Variants in NALF1 observed in about 807,000 individuals in gnomAD.
NALF1 encodes the protein NALCN channel auxiliary factor 1, also known as family with sequence similarity 155 member A.
Under a neutral mutation model 48.4 loss-of-function variants are expected in NALF1, and 3 were observed. That is an observed-to-expected ratio of 0.06 (90% CI 0.03 to 0.16). The LOEUF (loss-of-function observed/expected upper bound fraction) is 0.16. NALF1 is among the 10% of genes least tolerant of loss of function. The pLI, the probability that NALF1 is intolerant of heterozygous loss-of-function variation, is 1.00. For missense variants in NALF1, 526 were observed against 571.5 expected (o/e 0.92, Z 0.81); for synonymous variants, 262 against 245.7 (o/e 1.07, Z -0.62).
chr13:107,325,887 T>TATAC (rs752320518), intron 1 of NALF1, among the ~76,000 whole-genome samples: 75 of 58,850 alleles, frequency 1.3e-3, no homozygotes, highest in African/African-American at 1.8e-3. Flanking sequence ...TATATATATA[T>TATAC]ACACACACAC....
At chr13:107,720,542 C>A (rs1199218422) in intron 1 of NALF1, among the ~76,000 whole-genome samples, 1 of 136,230 alleles carries the variant, frequency 7.3e-6, no homozygotes, top group African/African-American at 2.7e-5. Context: ...AAGCATATTT[C>A]CCAGAATAAT....
intron 1 of NALF1, among the ~76,000 whole-genome samples, chr13:107,809,704 T>G (rs1003972103): frequency 5.3e-5 from 8 of 152,102 alleles, no homozygotes; most frequent in Admixed American, 2.0e-4. Flanking sequence ...TATGAGATCT[T>G]AATATCACGC....
At chr13:107,488,352 T>C (rs1463545984) in intron 1 of NALF1, among the ~76,000 whole-genome samples, 2 of 152,116 alleles carry the variant, frequency 1.3e-5, no homozygotes, top group African/African-American at 4.8e-5. Context: ...CTAGTTCTTT[T>C]AGTTGTGATG....
intron 1 of NALF1, among the ~76,000 whole-genome samples, chr13:107,730,400 G>A (rs1307225991): frequency 1.3e-5 from 2 of 152,026 alleles, no homozygotes; most frequent in Non-Finnish European, 2.9e-5. Context: ...CCATTTTTCT[G>A]GTGACTGACA....
chr13:107,364,121 C>T (rs1282018368), intron 1 of NALF1, among the ~76,000 whole-genome samples: 4 of 152,180 alleles, frequency 2.6e-5, no homozygotes, highest in African/African-American at 9.7e-5. Context: ...AAAAGCTGCT[C>T]AGTACTGTTT....
At chr13:107,234,185 A>G (rs1880288941) in intron 1 of NALF1, among the ~76,000 whole-genome samples, 1 of 152,180 alleles carries the variant, frequency 6.6e-6, no homozygotes, top group African/African-American at 2.4e-5. Context: ...TGATGAATTG[A>G]CATGCTCTTT....
At chr13:107,297,075 G>C (rs897041507) in intron 1 of NALF1, among the ~76,000 whole-genome samples, 4 of 151,774 alleles carry the variant, frequency 2.6e-5, no homozygotes, top group Non-Finnish European at 5.9e-5. Flanking sequence ...TGGTAGAAAA[G>C]GCAGATGATT....
At chr13:107,332,128 T>C (rs534498462) in intron 1 of NALF1, among the ~76,000 whole-genome samples, 3 of 152,344 alleles carry the variant, frequency 2.0e-5, no homozygotes, top group Admixed American at 2.0e-4. Context: ...ATTTTGTTTA[T>C]AAAACAATTA....
chr13:107,546,749 A>G (rs1015582369), intron 1 of NALF1, among the ~76,000 whole-genome samples: 3 of 152,322 alleles, frequency 2.0e-5, no homozygotes, highest in African/African-American at 7.2e-5. Flanking sequence ...CTTTTAGGAA[A>G]TAATACAAAT....
intron 1 of NALF1, among the ~76,000 whole-genome samples, chr13:107,709,465 C>T (rs1055483983): frequency 3.9e-5 from 6 of 152,188 alleles, no homozygotes; most frequent in Non-Finnish European, 8.8e-5. Context: ...TATCTAAAAG[C>T]TTTCAACTCA....
chr13:107,266,656 A>G (rs1269269135), intron 1 of NALF1, among the ~76,000 whole-genome samples: 1 of 152,234 alleles, frequency 6.6e-6, no homozygotes, highest in Non-Finnish European at 1.5e-5. Context: ...ACAGAAGTAC[A>G]GTGTTATGGG....
chr13:107,566,577 C>G (rs1031878201), intron 1 of NALF1, among the ~76,000 whole-genome samples: 4 of 152,204 alleles, frequency 2.6e-5, no homozygotes, highest in African/African-American at 9.6e-5. Flanking sequence ...CAGAGCCTCA[C>G]CAACCTCACG....
intron 2 of NALF1, among the ~76,000 whole-genome samples, chr13:107,195,476 C>T (rs953024153): frequency 2.0e-5 from 3 of 152,180 alleles, no homozygotes; most frequent in Non-Finnish European, 4.4e-5. Flanking sequence ...AATTTCATTT[C>T]TCTGTATCGC....
intron 1 of NALF1, among the ~76,000 whole-genome samples, chr13:107,481,238 T>G (rs1006261029): frequency 1.3e-5 from 2 of 152,180 alleles, no homozygotes; most frequent in African/African-American, 4.8e-5. Flanking sequence ...GAGATCAAGA[T>G]GATGCTGCTG....
intron 1 of NALF1, among the ~76,000 whole-genome samples, chr13:107,557,925 G>C (rs1877527894): frequency 6.6e-6 from 1 of 152,124 alleles, no homozygotes; most frequent in Admixed American, 6.5e-5. Flanking sequence ...TCAGTACCGT[G>C]TCTGTGCACT....
intron 1 of NALF1, among the ~76,000 whole-genome samples, chr13:107,298,961 T>C (rs1345824162): frequency 6.6e-6 from 1 of 152,194 alleles, no homozygotes; most frequent in Non-Finnish European, 1.5e-5. Context: ...ATGTTCTTTT[T>C]CTGCTCTGGG....
intron 1 of NALF1, among the ~76,000 whole-genome samples, chr13:107,700,691 T>C (rs550537196): frequency 6.6e-6 from 1 of 151,732 alleles, no homozygotes; most frequent in South Asian, 2.1e-4. Flanking sequence ...AAATGAAAAA[T>C]CAACCTACAA....
chr13:107,530,748 A>T (rs1218244302), intron 1 of NALF1, among the ~76,000 whole-genome samples: 1 of 152,252 alleles, frequency 6.6e-6, no homozygotes, highest in African/African-American at 2.4e-5. Flanking sequence ...ATGTAAGCTG[A>T]AATCTGTCCA....
rs180680661 is a variant in NALF1 at position 107,268,248 on chromosome 13, A to G, written c.916-57493T>C. 2.3e-3 allele frequency among the ~76,000 whole-genome samples: 351 copies of G among 152,116 alleles called. 1 individual carries two copies. The highest frequency in any genetic ancestry group is 8.2e-3 in the African/African-American group (338 of 41,472). On this transcript the variant is annotated intron_variant, in intron 1 of 2. Coordinates refer to ENST00000375915, the MANE Select transcript of NALF1 (RefSeq NM_001080396.3). ...CATGTTCTGGCCGCCTCGGCCTCCC[A>G]AAGTGCCAGGATTACAGGTGTGAGC...
Sources: gnomAD v4.1 joint callset for allele counts (sites outside exome capture counted in the v4.1 genomes callset) on GRCh38, gnomAD v4.1.1 for gene constraint, MANE v1.5 for transcripts, NCBI Gene and HGNC (gene_info 2026-07-23, HGNC 2026-07-21) for gene names.